TMEFF2: variants seen among roughly 807,000 people sequenced by gnomAD.
The protein encoded by TMEFF2 is tomoregulin-2.
Under a neutral mutation model 53.8 loss-of-function variants are expected in TMEFF2, and 28 were observed. The ratio of observed to expected loss-of-function variants is 0.52; its 90% CI spans 0.39 to 0.71. The LOEUF is 0.71. Among genes scored for constraint, TMEFF2 ranks in the 30% least tolerant of loss-of-function variants. The pLI is 0.00. For synonymous variants in TMEFF2, 162 were observed against 166.3 expected (o/e 0.97, Z 0.20); for missense variants, 353 against 455.2 (o/e 0.78, Z 2.04).
At chr2:192,155,632 T>C (rs953092880) in intron 4 of TMEFF2, among the ~76,000 whole-genome samples, 64 of 152,072 alleles carry the variant, frequency 4.2e-4, no homozygotes, top group African/African-American at 1.5e-3. Flanking sequence ...GGATTGTTTT[T>C]CTCTCTAAAA....
chr2:192,182,685 C>T (rs564842517), intron 3 of TMEFF2, among the ~76,000 whole-genome samples: 1 of 152,048 alleles, frequency 6.6e-6, no homozygotes, highest in Non-Finnish European at 1.5e-5. Flanking sequence ...AATTGCCTGG[C>T]AATTCTCATG....
chr2:192,049,151 CTA>C (rs1491031964), intron 5 of TMEFF2, among the ~76,000 whole-genome samples: 2 of 114,060 alleles, frequency 1.8e-5, no homozygotes, highest in Non-Finnish European at 3.8e-5. Context: ...TACATTTGGT[CTA>C]TGTGTGTGTG....
chr2:192,057,872 T>C, intron 4 of TMEFF2, 97 bp from the exon 5 acceptor site: 1 of 933,016 alleles, frequency 1.1e-6, no homozygotes, highest in South Asian at 1.4e-5. Context: ...ACTTTCCCAA[T>C]GGACCTGTCT....
intron 4 of TMEFF2, among the ~76,000 whole-genome samples, chr2:192,096,904 G>A (rs780308562): frequency 2.8e-4 from 43 of 151,776 alleles, no homozygotes; most frequent in Non-Finnish European, 4.6e-4. Flanking sequence ...TCAAACTCTG[G>A]ACCTCAAGTG....
At chr2:192,179,796 T>G (rs1407530306) in intron 3 of TMEFF2, 102 bp from the exon 4 acceptor site, 13 of 1,035,286 alleles carry the variant, frequency 1.3e-5, no homozygotes, top group African/African-American at 1.7e-5. Flanking sequence ...GCAATAATAT[T>G]GTTTGAGAAA....
chr2:192,167,918 C>T (rs1690809985), intron 4 of TMEFF2, among the ~76,000 whole-genome samples: 1 of 152,146 alleles, frequency 6.6e-6, no homozygotes, highest in African/African-American at 2.4e-5. Flanking sequence ...TAGCAGTTCA[C>T]ATCACTTCCC....
At position 192,189,250 on chromosome 2, in the gene TMEFF2, C is replaced by T. The variant is rs368113556; in HGVS notation, c.282+2630G>A. On this transcript the variant is annotated intron_variant, in intron 2 of 9. Coordinates refer to ENST00000272771, the MANE Select transcript of TMEFF2 (RefSeq NM_016192.4). Reference sequence around the variant, plus strand: ...GAAATTTATCTCTCAGCTAGAAAGACTATAGATTGCAGGCTGGGTGTGGTG... The same window carrying T: ...GAAATTTATCTCTCAGCTAGAAAGATTATAGATTGCAGGCTGGGTGTGGTG... 5.9e-5 allele frequency among the ~76,000 whole-genome samples: 9 copies of T among 152,034 alleles called. No individual in the cohort carries two copies. In the East Asian group the frequency reaches 1.7e-3, roughly 29 times the overall value.
At chr2:192,188,417 A>G (rs1443532783) in intron 2 of TMEFF2, among the ~76,000 whole-genome samples, 2 of 152,208 alleles carry the variant, frequency 1.3e-5, no homozygotes, top group South Asian at 2.1e-4. Context: ...AGTCAGACAT[A>G]TGAGTGAGAA....
chr2:192,141,405 A>AT (rs886424857), intron 4 of TMEFF2, among the ~76,000 whole-genome samples: 11 of 147,126 alleles, frequency 7.5e-5, no homozygotes, highest in African/African-American at 2.8e-4. Context: ...GTGAGCTGAG[A>AT]TTTTGCCACT....
chr2:192,116,787 T>C (rs760196582), intron 4 of TMEFF2, among the ~76,000 whole-genome samples: 1 of 152,054 alleles, frequency 6.6e-6, no homozygotes, highest in South Asian at 2.1e-4. Flanking sequence ...GACTGCTGCC[T>C]TTGTCATGAC....
chr2:192,145,934 A>C (rs891185788), intron 4 of TMEFF2, among the ~76,000 whole-genome samples: 1 of 152,044 alleles, frequency 6.6e-6, no homozygotes, highest in Non-Finnish European at 1.5e-5. Flanking sequence ...AAGAAAAAAA[A>C]CTGAAAAGCA....
At chr2:191,974,147 A>C (rs567048789) in intron 7 of TMEFF2, among the ~76,000 whole-genome samples, 62 of 152,308 alleles carry the variant, frequency 4.1e-4, no homozygotes, top group African/African-American at 1.5e-3. Flanking sequence ...AGTGGTAAAT[A>C]ATTGTCTTAG....
chr2:192,009,645 G>A (rs1452982942), intron 5 of TMEFF2, among the ~76,000 whole-genome samples: 8 of 151,830 alleles, frequency 5.3e-5, no homozygotes, highest in Non-Finnish European at 1.5e-5. Flanking sequence ...ATTATACCAT[G>A]CTATAATAAA....
At chr2:191,968,237 A>C (rs1308799518) in intron 7 of TMEFF2, among the ~76,000 whole-genome samples, 1 of 152,212 alleles carries the variant, frequency 6.6e-6, no homozygotes, top group Non-Finnish European at 1.5e-5. Context: ...TACAGATGAG[A>C]GTAAAGGAGC....
chr2:192,131,894 A>T, intron 4 of TMEFF2, among the ~76,000 whole-genome samples: 1 of 152,096 alleles, frequency 6.6e-6, no homozygotes, highest in Non-Finnish European at 1.5e-5. Flanking sequence ...ACAAGATCTA[A>T]ATAATTCTTG....
At chr2:192,183,437 A>G (rs1179595325) in intron 3 of TMEFF2, among the ~76,000 whole-genome samples, 1 of 152,066 alleles carries the variant, frequency 6.6e-6, no homozygotes, top group Non-Finnish European at 1.5e-5. Context: ...TAGACTTTTC[A>G]TGACACTATT....
At chr2:192,157,415 A>G (rs1044066022) in intron 4 of TMEFF2, among the ~76,000 whole-genome samples, 68 of 152,056 alleles carry the variant, frequency 4.5e-4, no homozygotes, top group African/African-American at 1.6e-3. Flanking sequence ...GTTAATGTAT[A>G]TAAGTATTAA....
chr2:191,962,609 T>A (rs1187302507), intron 7 of TMEFF2, among the ~76,000 whole-genome samples: 1 of 152,200 alleles, frequency 6.6e-6, no homozygotes, highest in African/African-American at 2.4e-5. Context: ...TTTACATAGA[T>A]AAATACTGAA....
At chr2:192,151,834 G>A (rs755535644) in intron 4 of TMEFF2, among the ~76,000 whole-genome samples, 6 of 151,860 alleles carry the variant, frequency 4.0e-5, no homozygotes, top group Admixed American at 2.0e-4. Flanking sequence ...GGCAACATAA[G>A]TGGGTTGTGA....
Sources: allele counts gnomAD v4.1 joint callset (sites outside exome capture counted in the v4.1 genomes callset), GRCh38; gene constraint gnomAD v4.1.1; transcripts MANE v1.5; gene names NCBI Gene and HGNC (gene_info 2026-07-23, HGNC 2026-07-21).